Variants in ACTR3 observed in about 807,000 individuals in gnomAD.
ACTR3 encodes the protein actin-related protein 3.
Under a neutral mutation model 56.8 loss-of-function variants are expected in ACTR3, and 12 were observed. That is an observed-to-expected ratio of 0.21 (90% confidence interval 0.14 to 0.34). The LOEUF (loss-of-function observed/expected upper bound fraction) is 0.34. Ranked by LOEUF, ACTR3 falls within the 10% of genes least tolerant of loss-of-function variation. The probability of loss-of-function intolerance (pLI) is 1.00; values close to 1 mark genes in which losing one functional copy is unlikely to be tolerated. For missense variants in ACTR3, 282 were observed against 512.5 expected (o/e 0.55, Z 4.34); for synonymous variants, 162 against 167.4 (o/e 0.97, Z 0.25).
chr2:113,941,345 T>C (rs1679921554), intron 7 of ACTR3, among the ~76,000 whole-genome samples: 1 of 152,188 alleles, frequency 6.6e-6, no homozygotes, highest in African/African-American at 2.4e-5. Flanking sequence ...CAGAGAAGAT[T>C]GATGGTCATT....
chr2:113,922,343 G>T (rs1042105527), intron 3 of ACTR3, among the ~76,000 whole-genome samples: 1 of 152,204 alleles, frequency 6.6e-6, no homozygotes, highest in Non-Finnish European at 1.5e-5. Flanking sequence ...CCAGAACACA[G>T]ATGACTGAAT....
At chr2:113,948,664 C>T (rs2104625947) in intron 8 of ACTR3, among the ~76,000 whole-genome samples, 1 of 152,212 alleles carries the variant, frequency 6.6e-6, no homozygotes, top group Admixed American at 6.5e-5. Context: ...AATCTTTTCC[C>T]TTCCTATAAG....
chr2:113,903,526 C>G (rs1468172558), intron 1 of ACTR3, among the ~76,000 whole-genome samples: 1 of 148,622 alleles, frequency 6.7e-6, no homozygotes, highest in Non-Finnish European at 1.5e-5. Flanking sequence ...CCACCATGCT[C>G]TGCTAATTGT....
intron 8 of ACTR3, 52 bp from the exon 9 acceptor site, chr2:113,951,427 A>T: frequency 7.9e-7 from 1 of 1,262,678 alleles, no homozygotes; most frequent in Admixed American, 1.8e-5. Flanking sequence ...TTTTATTGTG[A>T]TATTTGTCAG....
chr2:113,889,972 CG>C, upstream of ACTR3: 3 of 523,564 alleles, frequency 5.7e-6, no homozygotes, highest in South Asian at 2.4e-5. Flanking sequence ...CTTGGCTTCC[CG>C]GGGAAAGGCG....
At chr2:113,923,680 C>T (rs185396220) in intron 3 of ACTR3, among the ~76,000 whole-genome samples, 5 of 150,862 alleles carry the variant, frequency 3.3e-5, no homozygotes, top group African/African-American at 9.7e-5. Flanking sequence ...ACTGATTTCT[C>T]CTTTACCCAC....
chr2:113,922,640 CT>C (rs57455992), intron 3 of ACTR3, among the ~76,000 whole-genome samples: 129,643 of 152,198 alleles, frequency 0.85, 55,482 homozygotes, highest in African/African-American at 0.9. Context: ...AATTCTTAGT[CT>C]TTAGCACCCT....
At chr2:113,929,408 T>A (rs987185820) in intron 4 of ACTR3, among the ~76,000 whole-genome samples, 2 of 152,148 alleles carry the variant, frequency 1.3e-5, no homozygotes, top group Non-Finnish European at 2.9e-5. Flanking sequence ...CTCAAAGTGC[T>A]GCCACCATGC....
chr2:113,957,498 AT>A lies in ACTR3; in HGVS notation c.*44del, dbSNP rs774957955. The A allele has an allele frequency of 1.0e-5, 15 of 1,507,432 alleles. No individual in the cohort carries two copies. The highest frequency in any genetic ancestry group is 1.3e-5 in the Non-Finnish European group (14 of 1,085,220). The allele number at this position is 1,507,432 out of a possible 1,614,324, so 93.4% of individuals were successfully genotyped here. ...TTGGGGTTAGGGAGGTGGGGAAGAG[AT>A]AATCTTTCTGATTACCTGTTTTGTC... On this transcript the variant is annotated 3_prime_UTR_variant, in exon 12 of 12. Transcript: ENST00000263238.
At chr2:113,893,431 C>A (rs1678945346) in intron 1 of ACTR3, among the ~76,000 whole-genome samples, 1 of 151,960 alleles carries the variant, frequency 6.6e-6, no homozygotes, top group African/African-American at 2.4e-5. Context: ...GTAGCTGGGA[C>A]TACAGGCACA....
rs1262874460 is a variant in ACTR3 at position 113,962,230 on chromosome 2, T to A, written c.*4775T>A. 1 of 152,024 alleles carries A rather than the reference T, an allele frequency of 6.6e-6. No individual in the cohort carries two copies. Among genetic ancestry groups the A allele is most frequent in the African/African-American group, 2.4e-5 (1 of 41,440 alleles). 9.4% of individuals were successfully genotyped at this position (152,024 alleles called of 1,614,324 possible). A position where few individuals can be genotyped will look rare whatever the true frequency, so the allele number is the denominator to read the frequency against. ...GGGATTACTAAGTGATCATGACTTT[T>A]CTGAAGCAGGTCTTAAATAATTATC... is the stretch of plus-strand genomic sequence containing the variant. On this transcript the variant is annotated 3_prime_UTR_variant, in exon 12 of 12. Transcript: ENST00000263238.
chr2:113,954,604 C>A (rs1280086806), intron 10 of ACTR3: 1 of 149,554 alleles, frequency 6.7e-6, no homozygotes, highest in Non-Finnish European at 1.5e-5. Context: ...TCAGATTTGA[C>A]CAGTGGGAGT....
At chr2:113,897,497 G>A (rs1209191537) in intron 1 of ACTR3, among the ~76,000 whole-genome samples, 1 of 146,072 alleles carries the variant, frequency 6.8e-6, no homozygotes, top group African/African-American at 2.5e-5. Flanking sequence ...GGAATAGCTT[G>A]AATTTGTGTG....
intron 3 of ACTR3, among the ~76,000 whole-genome samples, chr2:113,921,317 T>C (rs1679503129): frequency 6.6e-6 from 1 of 151,358 alleles, no homozygotes; most frequent in Admixed American, 6.6e-5. Context: ...AAAAAATCAG[T>C]GTTTTTTTTT....
intron 1 of ACTR3, among the ~76,000 whole-genome samples, chr2:113,901,187 G>A (rs755549369): frequency 2.0e-5 from 3 of 152,142 alleles, no homozygotes; most frequent in African/African-American, 4.8e-5. Context: ...GCGTGGTGGC[G>A]TGTGCCTGTA....
chr2:113,894,980 C>CAA (rs35485560), intron 1 of ACTR3, among the ~76,000 whole-genome samples: 1 of 149,788 alleles, frequency 6.7e-6, no homozygotes, highest in Admixed American at 6.7e-5. Context: ...AGAACTCTTA[C>CAA]AAAAAAAAAT....
intron 7 of ACTR3, 61 bp downstream of exon 7, chr2:113,940,163 C>A: frequency 6.9e-7 from 1 of 1,449,258 alleles, no homozygotes. Flanking sequence ...ATAACATTAA[C>A]GTGAGAAATT....
At chr2:113,901,541 TTA>T (rs1316060254) in intron 1 of ACTR3, among the ~76,000 whole-genome samples, 2 of 152,216 alleles carry the variant, frequency 1.3e-5, no homozygotes, top group Non-Finnish European at 2.9e-5. Context: ...AAGATGTACT[TTA>T]TTTTTATGAT....
At chr2:113,906,677 T>C (rs1012541723) in intron 1 of ACTR3, among the ~76,000 whole-genome samples, 17 of 152,186 alleles carry the variant, frequency 1.1e-4, no homozygotes, top group Non-Finnish European at 1.5e-5. Flanking sequence ...CTTCATTCTT[T>C]TGCATGTGGA....
Sources: gnomAD v4.1 joint callset for allele counts (sites outside exome capture counted in the v4.1 genomes callset) on GRCh38, gnomAD v4.1.1 for gene constraint, MANE v1.5 for transcripts, NCBI Gene and HGNC (gene_info 2026-07-23, HGNC 2026-07-21) for gene names.